ARHGAP10: variants seen among roughly 807,000 people sequenced by gnomAD.
ARHGAP10 encodes rho GTPase-activating protein 10.
A neutral mutation model predicts 108.6 loss-of-function variants in ARHGAP10; 87 were observed. That is an observed-to-expected ratio of 0.80 (90% confidence interval 0.67 to 0.96). ARHGAP10 has a LOEUF of 0.96. Ranked by LOEUF, ARHGAP10 falls within the 40% of genes least tolerant of loss-of-function variation. The pLI is 0.00. For synonymous variants in ARHGAP10, 347 were observed against 341.1 expected (o/e 1.02, Z -0.19); for missense variants, 939 against 954.5 (o/e 0.98, Z 0.21).
At chr4:147,931,438 G>A (rs1056790617) in intron 13 of ARHGAP10, among the ~76,000 whole-genome samples, 1 of 151,890 alleles carries the variant, frequency 6.6e-6, no homozygotes, top group Non-Finnish European at 1.5e-5. Flanking sequence ...ACAATAATTT[G>A]GATATTTTAA....
At chr4:147,891,748 T>C (rs533872938) in intron 10 of ARHGAP10, among the ~76,000 whole-genome samples, 174 of 152,334 alleles carry the variant, frequency 1.1e-3, no homozygotes, top group Middle Eastern at 6.8e-3. Context: ...GACCATGGGC[T>C]ATGAAATGAT....
At chr4:148,015,788 G>T (rs960298232) in intron 18 of ARHGAP10, among the ~76,000 whole-genome samples, 1 of 152,160 alleles carries the variant, frequency 6.6e-6, no homozygotes, top group Middle Eastern at 3.2e-3. Flanking sequence ...GTTGTATTTG[G>T]CCATTTTGTA....
intron 18 of ARHGAP10, among the ~76,000 whole-genome samples, chr4:147,991,074 T>C (rs142972469): frequency 6.7e-6 from 1 of 148,276 alleles, no homozygotes; most frequent in Non-Finnish European, 1.5e-5. Context: ...GGTGACAAAA[T>C]AACCTTTACA....
At chr4:148,020,403 A>G (rs1741520774) in intron 18 of ARHGAP10, among the ~76,000 whole-genome samples, 2 of 152,088 alleles carry the variant, frequency 1.3e-5, no homozygotes, top group South Asian at 4.1e-4. Context: ...TCACCTAGGT[A>G]TTAAGCCCAG....
intron 7 of ARHGAP10, among the ~76,000 whole-genome samples, chr4:147,867,207 C>T (rs577288175): frequency 6.6e-6 from 1 of 152,232 alleles, no homozygotes; most frequent in South Asian, 2.1e-4. Flanking sequence ...GAATTTCTTC[C>T]CTACATTTTA....
intron 1 of ARHGAP10, among the ~76,000 whole-genome samples, chr4:147,814,381 TG>T (rs1445683701): frequency 1.3e-5 from 2 of 152,186 alleles, no homozygotes; most frequent in African/African-American, 4.8e-5. Context: ...CAGTAACTGT[TG>T]GCTTTGATTG....
chr4:147,877,710 T>C (rs1258054574), intron 8 of ARHGAP10, among the ~76,000 whole-genome samples: 1 of 152,154 alleles, frequency 6.6e-6, no homozygotes, highest in Non-Finnish European at 1.5e-5. Context: ...CTGTGAGCCC[T>C]GATGGTGGTA....
In ARHGAP10 at chr4:147,909,086, A is replaced by G. The variant is rs570053191; in HGVS notation, c.1117-646A>G. On this transcript the variant is annotated intron_variant, in intron 11 of 22. Transcript: ENST00000336498. ...CTCCCATACTTCTGGCTAACTGGCTATAAATTGGGGGTTCCTGTGAACCCC... is the reference window on the plus strand; with the variant it reads ...CTCCCATACTTCTGGCTAACTGGCTGTAAATTGGGGGTTCCTGTGAACCCC... Among the ~76,000 whole-genome samples the G allele has an allele frequency of 3.9e-5, 6 of 152,342 alleles. No individual in the cohort carries two copies. The South Asian group carries it at 8.3e-4, about 21-fold the overall frequency.
chr4:147,759,470 A>G (rs1729507322), intron 1 of ARHGAP10, among the ~76,000 whole-genome samples: 1 of 152,018 alleles, frequency 6.6e-6, no homozygotes, highest in Non-Finnish European at 1.5e-5. Context: ...GTTACTTGGG[A>G]GGCTGAGGTG....
Position 147,881,918 on chromosome 4 carries a change from A to G in ARHGAP10, c.1020A>G (p.Ile340Met). 1.9e-6 allele frequency: 3 copies of G among 1,614,042 alleles called. No individual in the cohort carries two copies. The highest frequency in any genetic ancestry group is 1.1e-5 in the South Asian group (1 of 91,060). Residue 340 changes from isoleucine (I) to methionine (M), a missense_variant, in exon 10 of 23, where the codon ATA (isoleucine) becomes ATG (methionine). Physicochemically the swap from Ile to Met is conservative, Grantham distance 10. Transcript: ENST00000336498. ...DSIDRRFCFD[I>M]EAADRPGVSL... is the part of the protein sequence containing the mutation. ...TTGACAGAAGGTTTTGTTTTGACAT[A>G]GAAGCTGCTGATCGGTAAGTTATTG... is the stretch of plus-strand genomic sequence containing the variant.
intron 11 of ARHGAP10, among the ~76,000 whole-genome samples, chr4:147,908,556 A>T (rs1736597088): frequency 1.3e-5 from 2 of 152,204 alleles, no homozygotes; most frequent in Non-Finnish European, 2.9e-5. Context: ...AAGGGACTGC[A>T]TATTTTTGGT....
chr4:147,980,629 G>A (rs1166210230), intron 18 of ARHGAP10, among the ~76,000 whole-genome samples: 1 of 152,088 alleles, frequency 6.6e-6, no homozygotes, highest in Non-Finnish European at 1.5e-5. Context: ...TTTTTTGTAA[G>A]CCTGGTAGAA....
At chr4:147,791,551 C>CGT (rs1731125822) in intron 1 of ARHGAP10, among the ~76,000 whole-genome samples, 4 of 151,772 alleles carry the variant, frequency 2.6e-5, no homozygotes, top group African/African-American at 9.7e-5. Context: ...CGTGCGTGCG[C>CGT]GCGTGTATAT....
intron 10 of ARHGAP10, among the ~76,000 whole-genome samples, chr4:147,883,033 C>G (rs1735393798): frequency 1.3e-5 from 2 of 152,196 alleles, no homozygotes; most frequent in Admixed American, 1.3e-4. Context: ...GCTGCTTCCT[C>G]TCTTAGATGA....
chr4:147,943,712 TG>T (rs1177164562), intron 14 of ARHGAP10, among the ~76,000 whole-genome samples: 2 of 152,254 alleles, frequency 1.3e-5, no homozygotes, highest in Non-Finnish European at 2.9e-5. Context: ...ATCTTTCTTA[TG>T]GTAGAACATG....
At chr4:148,054,381 G>C (rs557694613) in intron 20 of ARHGAP10, among the ~76,000 whole-genome samples, 58 of 152,228 alleles carry the variant, frequency 3.8e-4, no homozygotes, top group Non-Finnish European at 5.3e-4. Context: ...CCTCTGGGCC[G>C]GGGTGAGGTT....
chr4:148,070,274 G>T (rs1730109572), intron 22 of ARHGAP10, among the ~76,000 whole-genome samples: 1 of 152,208 alleles, frequency 6.6e-6, no homozygotes, highest in Non-Finnish European at 1.5e-5. Flanking sequence ...GGGGGATGCT[G>T]AAGCTGCTCT....
chr4:148,053,946 A>G (rs1432965166), intron 20 of ARHGAP10, among the ~76,000 whole-genome samples: 1 of 152,208 alleles, frequency 6.6e-6, no homozygotes, highest in Non-Finnish European at 1.5e-5. Context: ...GTAACTTTAA[A>G]GCCCTACCAT....
At chr4:147,921,226 AAGGAATT>A (rs1390947297) in intron 13 of ARHGAP10, among the ~76,000 whole-genome samples, 1 of 152,214 alleles carries the variant, frequency 6.6e-6, no homozygotes, top group East Asian at 1.9e-4. Flanking sequence ...GGAATTCTGC[AAGGAATT>A]TTACCTTGAA....
Sources: gnomAD v4.1 joint callset for allele counts (sites outside exome capture counted in the v4.1 genomes callset) on GRCh38, gnomAD v4.1.1 for gene constraint, MANE v1.5 for transcripts, NCBI Gene and HGNC (gene_info 2026-07-23, HGNC 2026-07-21) for gene names.